GAP43: variants seen among roughly 807,000 people sequenced by gnomAD.
GAP43 encodes the protein neuromodulin.
Under a neutral mutation model 18.6 loss-of-function variants are expected in GAP43, and 6 were observed. The observed-to-expected ratio is 0.32, with a 90% CI of 0.18 to 0.64. The LOEUF is 0.64. Among genes scored for constraint, GAP43 ranks in the 30% least tolerant of loss-of-function variants. The pLI, the probability that GAP43 is intolerant of heterozygous loss-of-function variation, is 0.78. For synonymous variants in GAP43, 115 were observed against 111.4 expected (o/e 1.03, Z -0.20); for missense variants, 292 against 295.5 (o/e 0.99, Z 0.09).
intron 1 of GAP43, among the ~76,000 whole-genome samples, chr3:115,630,681 T>C (rs1280476661): frequency 6.6e-6 from 1 of 152,208 alleles, no homozygotes; most frequent in Non-Finnish European, 1.5e-5. Context: ...TCACTTGATA[T>C]CTTGCTTACT....
In GAP43 at chr3:115,713,515, G is replaced by A. The variant is rs568717933; in HGVS notation, c.629-7279G>A. Among the ~76,000 whole-genome samples the A allele has an allele frequency of 2.6e-5, 4 of 152,356 alleles. 1 individual carries two copies. In the South Asian group the frequency reaches 6.2e-4, roughly 24 times the overall value. On this transcript the variant is annotated intron_variant, in intron 2 of 2. Coordinates refer to ENST00000305124, the MANE Select transcript of GAP43 (RefSeq NM_002045.4). Reference sequence around the variant, plus strand: ...TGGGAACATCGCCATCCCTCCAGCAGCATTGCAACCAGGCTGCCTGGCTGA... The same window carrying A: ...TGGGAACATCGCCATCCCTCCAGCAACATTGCAACCAGGCTGCCTGGCTGA...
intron 2 of GAP43, among the ~76,000 whole-genome samples, chr3:115,698,123 TTATATATAATATATATAA>T (rs1258825930): frequency 9.9e-5 from 1 of 10,058 alleles, no homozygotes; most frequent in African/African-American, 1.5e-4. Flanking sequence ...ATAATATATA[TTATATATAATATATATAA>T]TATATATTAT....
Position 115,676,057 on chromosome 3 carries a change from C to G in GAP43, c.75C>G (p.Ile25Met). 1.9e-6 allele frequency: 3 copies of G among 1,613,438 alleles called. No individual in the cohort carries two copies. The highest frequency in any genetic ancestry group is 1.1e-5 in the South Asian group (1 of 90,920). ...DDDQKIEQDG[I>M]KPEDKAHKAA... ...ACCAAAAGATTGAACAAGATGGTATCAAACCAGAAGATAAAGCTCATAAGG... is the reference window on the plus strand; with the variant it reads ...ACCAAAAGATTGAACAAGATGGTATGAAACCAGAAGATAAAGCTCATAAGG... Residue 25 changes from isoleucine to methionine, a missense_variant, in exon 2 of 3, where the codon ATC (isoleucine) becomes ATG (methionine). Physicochemically the swap from Ile to Met is conservative, Grantham distance 10 (BLOSUM62 1). Coordinates refer to ENST00000305124, the MANE Select transcript of GAP43 (RefSeq NM_002045.4).
intron 1 of GAP43, 125 bp from the exon 2 acceptor site, chr3:115,675,888 T>G: frequency 7.3e-7 from 1 of 1,372,216 alleles, no homozygotes; most frequent in Non-Finnish European, 9.8e-7. Context: ...TACTGTTGAA[T>G]TCTTAACTCC....
intron 1 of GAP43, chr3:115,663,475 A>C: frequency 3.6e-6 from 4 of 1,104,384 alleles, no homozygotes; most frequent in Non-Finnish European, 4.4e-6. Context: ...CTCTTCTCCC[A>C]GTATTGCTTT....
chr3:115,695,794 C>G (rs535261260), intron 2 of GAP43, among the ~76,000 whole-genome samples: 3 of 152,190 alleles, frequency 2.0e-5, no homozygotes, highest in African/African-American at 7.2e-5. Context: ...ACCTCCACAT[C>G]GCCAAAACCC....
chr3:115,683,115 A>T, intron 2 of GAP43, among the ~76,000 whole-genome samples: 1 of 129,524 alleles, frequency 7.7e-6, no homozygotes, highest in Non-Finnish European at 1.6e-5. Flanking sequence ...TTTTTTCTCT[A>T]CATACATGTG....
At chr3:115,692,749 A>T (rs1282970343) in intron 2 of GAP43, among the ~76,000 whole-genome samples, 1 of 152,152 alleles carries the variant, frequency 6.6e-6, no homozygotes, top group Admixed American at 6.5e-5. Flanking sequence ...TTACTTCACC[A>T]TATTATTTTT....
intron 2 of GAP43, among the ~76,000 whole-genome samples, chr3:115,698,212 A>ATATATAATATATATAAAATATATAT (rs1553724646): frequency 6.0e-5 from 1 of 16,594 alleles, no homozygotes; most frequent in Non-Finnish European, 1.2e-4. Context: ...ATATTATATA[A>ATATATAATATATATAAAATATATAT]AATATATAAT....
chr3:115,673,272 C>CT lies in GAP43; in HGVS notation c.31-2738dup, dbSNP rs146685561. Among the ~76,000 whole-genome samples, 43 of 152,224 alleles carry CT rather than the reference C, an allele frequency of 2.8e-4. No homozygotes were observed. The East Asian group carries it at 7.1e-3, about 25-fold the overall frequency. ...GAGGAGGGAGAGAAAATTGAGAGCCCTTTCTTTATCCTTGTAGTTTCTTTG... is the reference window on the plus strand; with the variant it reads ...GAGGAGGGAGAGAAAATTGAGAGCCCTTTTCTTTATCCTTGTAGTTTCTTTG... On this transcript the variant is annotated intron_variant, in intron 1 of 2. Transcript: ENST00000305124.
At chr3:115,686,760 G>A (rs1464024716) in intron 2 of GAP43, among the ~76,000 whole-genome samples, 2 of 152,124 alleles carry the variant, frequency 1.3e-5, no homozygotes, top group African/African-American at 4.8e-5. Context: ...CATGTTGATG[G>A]AGGCAATAGT....
chr3:115,652,151 C>T (rs1051313000), intron 1 of GAP43, among the ~76,000 whole-genome samples: 7 of 152,048 alleles, frequency 4.6e-5, no homozygotes, highest in Non-Finnish European at 1.0e-4. Flanking sequence ...AGTCCATCAC[C>T]TTTCCCCAAA....
At position 115,699,098 on chromosome 3, in the gene GAP43, A is replaced by C. The variant is rs78732707; in HGVS notation, c.629-21696A>C. Among the ~76,000 whole-genome samples the C allele has an allele frequency of 4.5e-3, 688 of 152,240 alleles. 8 individuals are homozygous for C. Among genetic ancestry groups the C allele is most frequent in the African/African-American group, 0.016 (666 of 41,550 alleles). Reference sequence around the variant, plus strand: ...GTTGATTGTGTCTGTCTACCATGGAAAGATTTGGTTTACTGAGGAAGTACT... The same window carrying C: ...GTTGATTGTGTCTGTCTACCATGGACAGATTTGGTTTACTGAGGAAGTACT... On this transcript the variant is annotated intron_variant, in intron 2 of 2. Coordinates refer to ENST00000305124, the MANE Select transcript of GAP43 (RefSeq NM_002045.4).
intron 1 of GAP43, among the ~76,000 whole-genome samples, chr3:115,628,896 T>C (rs886583765): frequency 2.0e-5 from 3 of 152,194 alleles, no homozygotes; most frequent in African/African-American, 7.2e-5. Flanking sequence ...TAGCTTCTGA[T>C]CCATAGTTAT....
At chr3:115,663,888 T>C (rs1166054496) in intron 1 of GAP43, 1 of 1,552,130 alleles carries the variant, frequency 6.4e-7, no homozygotes, top group Non-Finnish European at 8.7e-7. Context: ...CCTTATTCAC[T>C]TGGCTTCTTG....
At chr3:115,712,106 G>C (rs1709447658) in intron 2 of GAP43, among the ~76,000 whole-genome samples, 1 of 152,092 alleles carries the variant, frequency 6.6e-6, no homozygotes, top group Admixed American at 6.5e-5. Flanking sequence ...TAGTCAACTT[G>C]TACCTTCTTT....
At chr3:115,698,050 TTATATAA>T (rs1242489268) in intron 2 of GAP43, among the ~76,000 whole-genome samples, 11,427 of 75,010 alleles carry the variant, frequency 0.15, 836 homozygotes, top group South Asian at 0.24. Flanking sequence ...ATATTATATA[TTATATAA>T]AATATATATT....
At chr3:115,679,378 T>C (rs927392006) in intron 2 of GAP43, among the ~76,000 whole-genome samples, 2 of 152,192 alleles carry the variant, frequency 1.3e-5, no homozygotes, top group African/African-American at 4.8e-5. Flanking sequence ...GGGGATGTCA[T>C]TTGTATTTTG....
At chr3:115,631,249 T>C (rs1708257328) in intron 1 of GAP43, among the ~76,000 whole-genome samples, 1 of 152,212 alleles carries the variant, frequency 6.6e-6, no homozygotes, top group African/African-American at 2.4e-5. Context: ...GTCTTTGTAG[T>C]GGAATAAATC....
Sources: gnomAD v4.1 joint callset for allele counts (sites outside exome capture counted in the v4.1 genomes callset) on GRCh38, gnomAD v4.1.1 for gene constraint, MANE v1.5 for transcripts, NCBI Gene and HGNC (gene_info 2026-07-23, HGNC 2026-07-21) for gene names.